MCC: variants seen among roughly 807,000 people sequenced by gnomAD.
The protein encoded by MCC is colorectal mutant cancer protein.
Under a neutral mutation model 116.2 loss-of-function variants are expected in MCC, and 90 were observed. The ratio of observed to expected loss-of-function variants is 0.77; its 90% CI spans 0.65 to 0.92. MCC has a LOEUF of 0.92. Among genes scored for constraint, MCC ranks in the 40% least tolerant of loss-of-function variants. The pLI, the probability that MCC is intolerant of heterozygous loss-of-function variation, is 0.00. For missense variants in MCC, 1,516 were observed against 1,312.2 expected (o/e 1.16, Z -2.40); for synonymous variants, 578 against 510.5 (o/e 1.13, Z -1.78).
chr5:113,384,913 A>G (rs1561546333), intron 2 of MCC, 55 bp downstream of exon 2: 5 of 1,598,144 alleles, frequency 3.1e-6, no homozygotes, highest in Non-Finnish European at 4.3e-6. Flanking sequence ...ATTTAATGAG[A>G]GATCACAGGC....
intron 4 of MCC, among the ~76,000 whole-genome samples, chr5:113,143,662 A>G (rs1759323020): frequency 6.6e-6 from 1 of 152,150 alleles, no homozygotes; most frequent in Admixed American, 6.5e-5. Flanking sequence ...TCCCGTAGCC[A>G]AGAAACAGGC....
At chr5:113,291,666 G>A (rs1480508667) in intron 3 of MCC, among the ~76,000 whole-genome samples, 1 of 152,116 alleles carries the variant, frequency 6.6e-6, no homozygotes, top group Non-Finnish European at 1.5e-5. Context: ...GGCCCTGAGG[G>A]GTTTTATTAG....
chr5:113,485,263 T>A (rs1192393808), intron 1 of MCC, among the ~76,000 whole-genome samples: 10 of 152,160 alleles, frequency 6.6e-5, no homozygotes, highest in Non-Finnish European at 1.5e-4. Flanking sequence ...CTGTTTAGAA[T>A]GAGGGTTCAG....
At chr5:113,125,343 G>A (rs146190659) in intron 5 of MCC, among the ~76,000 whole-genome samples, 21 of 152,236 alleles carry the variant, frequency 1.4e-4, no homozygotes, top group African/African-American at 4.6e-4. Context: ...GAACAAAAAC[G>A]ACACATGGCA....
intron 4 of MCC, among the ~76,000 whole-genome samples, chr5:113,149,254 G>T (rs1330414531): frequency 1.3e-5 from 2 of 150,660 alleles, no homozygotes; most frequent in Non-Finnish European, 3.0e-5. Flanking sequence ...AAAAAACACT[G>T]TAAAACAAAA....
At chr5:113,478,329 G>A (rs1772286358) in intron 1 of MCC, among the ~76,000 whole-genome samples, 1 of 152,198 alleles carries the variant, frequency 6.6e-6, no homozygotes, top group Non-Finnish European at 1.5e-5. Flanking sequence ...TAGACATGGT[G>A]ATAAACAAGT....
At chr5:113,420,667 C>T (rs915989406) in intron 1 of MCC, among the ~76,000 whole-genome samples, 1 of 152,202 alleles carries the variant, frequency 6.6e-6, no homozygotes, top group African/African-American at 2.4e-5. Context: ...AAGTATTATT[C>T]TATTTTATAA....
Position 113,023,699 on chromosome 5 carries a change from T to G in MCC, c.*3603A>C, listed in dbSNP as rs1475452767. 6.6e-6 allele frequency: 1 copy of G among 152,264 alleles called. No individual in the cohort carries two copies. The highest frequency in any genetic ancestry group is 1.9e-4 in the East Asian group (1 of 5,204). 9.4% of individuals were successfully genotyped at this position (152,264 alleles called of 1,614,324 possible). A position where few individuals can be genotyped will look rare whatever the true frequency, so the allele number is the denominator to read the frequency against. On this transcript the variant is annotated 3_prime_UTR_variant, in exon 19 of 19. Transcript: ENST00000408903. Reference sequence around the variant, plus strand: ...CCCAATTAAGAATTTGCAAATTGTTTAAAGCCTTATGGAGGAAAGGACACT... The same window carrying G: ...CCCAATTAAGAATTTGCAAATTGTTGAAAGCCTTATGGAGGAAAGGACACT...
chr5:113,432,689 T>C (rs1433112123), intron 1 of MCC: 1 of 152,224 alleles, frequency 6.6e-6, no homozygotes, highest in Non-Finnish European at 1.5e-5. Flanking sequence ...TATTGTTACA[T>C]TGTTTCCAGT....
At chr5:113,179,616 C>T (rs1331960366) in intron 3 of MCC, among the ~76,000 whole-genome samples, 1 of 152,110 alleles carries the variant, frequency 6.6e-6, no homozygotes, top group Non-Finnish European at 1.5e-5. Context: ...TTTTAAAATG[C>T]CAGTGTATCT....
At chr5:113,460,650 T>A (rs1235886566) in intron 1 of MCC, among the ~76,000 whole-genome samples, 1 of 152,188 alleles carries the variant, frequency 6.6e-6, no homozygotes, top group East Asian at 1.9e-4. Context: ...CAAAAGATGC[T>A]CACAGAGTTC....
intron 2 of MCC, among the ~76,000 whole-genome samples, chr5:113,384,662 G>T (rs1053673168): frequency 7.2e-5 from 11 of 152,210 alleles, no homozygotes; most frequent in African/African-American, 2.2e-4. Context: ...AGCTTCTGAG[G>T]CCTGCTGATG....
intron 14 of MCC, among the ~76,000 whole-genome samples, chr5:113,063,585 G>C (rs1753370452): frequency 6.6e-6 from 1 of 152,222 alleles, no homozygotes; most frequent in Non-Finnish European, 1.5e-5. Context: ...GAGCTGGGCT[G>C]GGCCTTGGGA....
intron 1 of MCC, among the ~76,000 whole-genome samples, chr5:113,482,726 T>G (rs1222280919): frequency 1.3e-5 from 2 of 152,180 alleles, no homozygotes; most frequent in African/African-American, 4.8e-5. Context: ...TTGATAGTGT[T>G]TTTTGAAGCA....
chr5:113,228,096 G>A (rs1281564338), intron 3 of MCC, among the ~76,000 whole-genome samples: 2 of 152,194 alleles, frequency 1.3e-5, no homozygotes, highest in African/African-American at 2.4e-5. Context: ...TACTTAAGTA[G>A]GTGTTGAATG....
chr5:113,050,789 G>A (rs1297232592), intron 15 of MCC, among the ~76,000 whole-genome samples: 3 of 152,222 alleles, frequency 2.0e-5, no homozygotes, highest in Non-Finnish European at 2.9e-5. Flanking sequence ...CAGAGAGAAC[G>A]GCAAGGAGGG....
At chr5:113,413,066 A>G (rs1379446676) in intron 1 of MCC, among the ~76,000 whole-genome samples, 2 of 152,148 alleles carry the variant, frequency 1.3e-5, no homozygotes, top group Non-Finnish European at 2.9e-5. Flanking sequence ...CATGTGATGG[A>G]TTACGTTGAT....
chr5:113,412,759 T>A (rs1049523873), intron 1 of MCC, among the ~76,000 whole-genome samples: 1 of 152,178 alleles, frequency 6.6e-6, no homozygotes, highest in Non-Finnish European at 1.5e-5. Context: ...TGAATACCAT[T>A]TATTTCTTTC....
At chr5:113,083,438 T>C (rs1252465071) in intron 10 of MCC, among the ~76,000 whole-genome samples, 1 of 152,236 alleles carries the variant, frequency 6.6e-6, no homozygotes. Flanking sequence ...AGAATCTGAA[T>C]GCATGCATTT....
Sources: gnomAD v4.1 joint callset for allele counts (sites outside exome capture counted in the v4.1 genomes callset) on GRCh38, gnomAD v4.1.1 for gene constraint, MANE v1.5 for transcripts, NCBI Gene and HGNC (gene_info 2026-07-23, HGNC 2026-07-21) for gene names.